The following TEX12 variants were observed in gnomAD, a reference collection of about 807,000 sequenced individuals.
TEX12 encodes the protein testis expressed 12, also known as testis-expressed protein 12.
A neutral mutation model predicts 14.6 loss-of-function variants in TEX12; 7 were observed. The observed-to-expected ratio is 0.48, with a 90% CI of 0.27 to 0.90. The LOEUF (loss-of-function observed/expected upper bound fraction) is 0.90, where lower values mean the gene tolerates loss of function less well. TEX12 is among the 40% of genes least tolerant of loss of function. The pLI is 0.12. For missense variants in TEX12, 121 were observed against 135.7 expected, an observed-to-expected ratio of 0.89 and a Z score of 0.54; for synonymous variants, 57 against 49.1, an observed-to-expected ratio of 1.16 and a Z score of -0.67.
chr11:112,169,706 G>C (rs1866768785), intron 2 of TEX12, among the ~76,000 whole-genome samples: 1 of 152,146 alleles, frequency 6.6e-6, no homozygotes, highest in Non-Finnish European at 1.5e-5. Flanking sequence ...CCCACCAGTT[G>C]ATCTTTTGCA....
intron 4 of TEX12, 66 bp from the exon 5 acceptor site, chr11:112,171,706 T>C: frequency 2.0e-6 from 2 of 986,418 alleles, no homozygotes; most frequent in African/African-American, 3.3e-5. Context: ...TATTGTGTAA[T>C]GAAGAACAAC....
chr11:112,170,668 T>G lies in TEX12; in HGVS notation c.221T>G (p.Leu74Arg), dbSNP rs750408143. 1.2e-6 allele frequency: 2 copies of G among 1,609,760 alleles called. No homozygotes were observed. The highest frequency in any genetic ancestry group is 1.7e-6 in the Non-Finnish European group (2 of 1,176,676). The change falls in exon 4 of 5, where the codon CTT (leucine) becomes CGT (arginine). Residue 74 changes from leucine (L) to arginine (R), a missense_variant. Coordinates refer to ENST00000280358, the MANE Select transcript of TEX12 (RefSeq NM_031275.4). ...INLMLSTYAK[L>R]LSERAAVDAS... ...CTAATGTTGTCTACCTATGCAAAGC[T>G]TTTAAGGCAAGTACTTATAGTATAT... is the stretch of plus-strand genomic sequence containing the variant.
chr11:112,171,158 A>G (rs866638821), intron 4 of TEX12, among the ~76,000 whole-genome samples: 10 of 152,010 alleles, frequency 6.6e-5, no homozygotes, highest in African/African-American at 1.7e-4. Flanking sequence ...TTTTCTTGTC[A>G]TTATTTTTCA....
intron 4 of TEX12, 30 bp downstream of exon 4, chr11:112,170,704 C>T: frequency 6.4e-7 from 1 of 1,556,190 alleles, no homozygotes; most frequent in Non-Finnish European, 8.8e-7. Context: ...TCTCTGGGGT[C>T]TTTATGTTAG....
In TEX12 at chr11:112,172,423, A is replaced by G. The variant is rs528926602; in HGVS notation, c.*507A>G. 1 of 152,230 alleles carries G rather than the reference A, an allele frequency of 6.6e-6. No individual in the cohort carries two copies. Among genetic ancestry groups the G allele is most frequent in the African/African-American group, 2.4e-5 (1 of 41,578 alleles). 9.4% of individuals were successfully genotyped at this position (152,230 alleles called of 1,614,324 possible). A position where few individuals can be genotyped will look rare whatever the true frequency, so the allele number is the denominator to read the frequency against. On this transcript the variant is annotated 3_prime_UTR_variant, in exon 5 of 5. Coordinates refer to ENST00000280358, the MANE Select transcript of TEX12 (RefSeq NM_031275.4). The stretch of plus-strand genomic sequence containing the variant: ...GATTTTTCCAGTTTCTTAGAATATA[A>G]TGACATAACTGTGTGCTATTTCCAT...
chr11:112,169,461 C>A, intron 2 of TEX12, 130 bp downstream of exon 2: 1 of 692,016 alleles, frequency 1.4e-6, no homozygotes, highest in Non-Finnish European at 2.5e-6. Flanking sequence ...TAGGATTGTC[C>A]TACAACATAG....
At chr11:112,171,707 G>A in intron 4 of TEX12, 65 bp from the exon 5 acceptor site, 1 of 992,574 alleles carries the variant, frequency 1.0e-6, no homozygotes, top group Non-Finnish European at 1.4e-6. Flanking sequence ...ATTGTGTAAT[G>A]AAGAACAACA....
At chr11:112,169,653 T>G (rs1866767546) in intron 2 of TEX12, among the ~76,000 whole-genome samples, 2 of 152,240 alleles carry the variant, frequency 1.3e-5, no homozygotes, top group South Asian at 4.1e-4. Flanking sequence ...CTATAGTTAC[T>G]GATCTTTTTA....
chr11:112,171,159 T>C (rs578036044), intron 4 of TEX12, among the ~76,000 whole-genome samples: 30 of 152,218 alleles, frequency 2.0e-4, no homozygotes, highest in Non-Finnish European at 3.8e-4. Flanking sequence ...TTTCTTGTCA[T>C]TATTTTTCAA....
Position 112,170,655 on chromosome 11 carries a change from A to G in TEX12, c.208A>G (p.Thr70Ala), listed in dbSNP as rs776204431. The change falls in exon 4 of 5, where the codon ACC becomes GCC. Residue 70 changes from threonine to alanine, a missense_variant. By Grantham distance (58) the Thr-to-Ala change is moderately conservative (BLOSUM62 0). Coordinates refer to ENST00000280358, the MANE Select transcript of TEX12 (RefSeq NM_031275.4). Reference protein sequence around the residue: ...VSKEINLMLSTYAKLLSERAA... With the variant: ...VSKEINLMLSAYAKLLSERAA... Reference sequence around the variant, plus strand: ...CAAGGAAATTAATCTAATGTTGTCTACCTATGCAAAGCTTTTAAGGCAAGT... The same window carrying G: ...CAAGGAAATTAATCTAATGTTGTCTGCCTATGCAAAGCTTTTAAGGCAAGT... 2 of 1,611,616 alleles carry G rather than the reference A, an allele frequency of 1.2e-6. No homozygotes were observed. Among genetic ancestry groups the G allele is most frequent in the South Asian group, 2.2e-5 (2 of 90,998 alleles).
chr11:112,171,801 T>C lies in TEX12; in HGVS notation c.257T>C (p.Ile86Thr), dbSNP rs1344265996. Residue 86 changes from isoleucine to threonine, a missense_variant, in exon 5 of 5, where the codon ATT (isoleucine) becomes ACT (threonine). Ile to Thr is a moderately conservative substitution (Grantham distance 89). Transcript: ENST00000280358. Reference protein sequence around the residue: ...SERAAVDASYIDEIDELFKEA... With the variant: ...SERAAVDASYTDEIDELFKEA... ...AGAGCAGCAGTAGATGCATCTTACA[T>C]TGATGAGATAGATGAACTCTTCAAA... is the stretch of plus-strand genomic sequence containing the variant. The C allele has an allele frequency of 6.3e-7, 1 of 1,581,766 alleles. No homozygotes were observed. The highest frequency in any genetic ancestry group is 8.6e-7 in the Non-Finnish European group (1 of 1,167,408).
chr11:112,168,247 A>G (rs1202509890), intron 1 of TEX12, among the ~76,000 whole-genome samples: 1 of 152,228 alleles, frequency 6.6e-6, no homozygotes, highest in Non-Finnish European at 1.5e-5. Flanking sequence ...GAATATGGAC[A>G]GGGCTCCCCT....
Position 112,170,641 on chromosome 11 carries a change from A to T in TEX12, c.194A>T (p.Asn65Ile), listed in dbSNP as rs771310058. The T allele has an allele frequency of 1.2e-6, 2 of 1,612,044 alleles. No individual in the cohort carries two copies. The highest frequency in any genetic ancestry group is 8.5e-7 in the Non-Finnish European group (1 of 1,178,542). Residue 65 changes from asparagine (N) to isoleucine (I), a missense_variant, in exon 4 of 5, where the codon AAT becomes ATT. Transcript: ENST00000280358. ...TGAACAGATGTGAGCAAGGAAATTA[A>T]TCTAATGTTGTCTACCTATGCAAAG... ...KDLNDVSKEI[N>I]LMLSTYAKLL...
chr11:112,171,691 A>C, intron 4 of TEX12, 81 bp from the exon 5 acceptor site: 1 of 899,742 alleles, frequency 1.1e-6, no homozygotes, highest in Non-Finnish European at 1.6e-6. Context: ...GAAATAGTTA[A>C]CAAATATTGT....
At chr11:112,167,938 G>T (rs1389268691) in intron 1 of TEX12, among the ~76,000 whole-genome samples, 1 of 152,200 alleles carries the variant, frequency 6.6e-6, no homozygotes, top group Non-Finnish European at 1.5e-5. Context: ...AGAAAAATCT[G>T]CCTGTTGGCT....
At chr11:112,171,576 C>T (rs1866790457) in intron 4 of TEX12, among the ~76,000 whole-genome samples, 196 bp from the exon 5 acceptor site, 1 of 151,826 alleles carries the variant, frequency 6.6e-6, no homozygotes, top group Admixed American at 6.6e-5. Context: ...CCTGTTGTGT[C>T]AGGAGACCTT....
chr11:112,171,814 T>C lies in TEX12; in HGVS notation c.270T>C (p.Asp90=). 2 of 1,592,026 alleles carry C rather than the reference T, an allele frequency of 1.3e-6. No homozygotes were observed. Among genetic ancestry groups the C allele is most frequent in the Non-Finnish European group, 1.7e-6 (2 of 1,171,236 alleles). Reference sequence around the variant, plus strand: ...ATGCATCTTACATTGATGAGATAGATGAACTCTTCAAAGAAGCCAATGCTA... The same window carrying C: ...ATGCATCTTACATTGATGAGATAGACGAACTCTTCAAAGAAGCCAATGCTA... ...AVDASYIDEI[D]ELFKEANAIE... The change falls in exon 5 of 5, where the codon GAT becomes GAC. Residue 90 remains aspartate (D), a synonymous_variant. Transcript: ENST00000280358.
intron 2 of TEX12, among the ~76,000 whole-genome samples, chr11:112,169,966 T>C (rs1417824560): frequency 2.6e-5 from 4 of 151,748 alleles, no homozygotes; most frequent in African/African-American, 9.7e-5. Flanking sequence ...AGGCTAAGAG[T>C]TTCAGATCAG....
chr11:112,170,395 G>A (rs1866775632), intron 2 of TEX12, 24 bp from the exon 3 acceptor site: 1 of 1,442,160 alleles, frequency 6.9e-7, no homozygotes, highest in Non-Finnish European at 9.5e-7. Flanking sequence ...GACTGTACCT[G>A]TTTTCTTTAT....
Sources: gnomAD v4.1 joint callset for allele counts (sites outside exome capture counted in the v4.1 genomes callset) on GRCh38, gnomAD v4.1.1 for gene constraint, MANE v1.5 for transcripts, NCBI Gene and HGNC (gene_info 2026-07-23, HGNC 2026-07-21) for gene names.